DOCK10: variants seen among roughly 807,000 people sequenced by gnomAD.
DOCK10 encodes dedicator of cytokinesis protein 10.
A neutral mutation model predicts 280.1 loss-of-function variants in DOCK10; 145 were observed. The ratio of observed to expected loss-of-function variants is 0.52; its 90% CI spans 0.45 to 0.59. The LOEUF (loss-of-function observed/expected upper bound fraction) is 0.59, where lower values mean the gene tolerates loss of function less well. Among genes scored for constraint, DOCK10 ranks in the 20% least tolerant of loss-of-function variants. DOCK10 has a pLI of 0.00. For synonymous variants in DOCK10, 915 were observed against 942.2 expected (o/e 0.97, Z 0.53); for missense variants, 2,368 against 2,651.7 (o/e 0.89, Z 2.35).
In DOCK10 at chr2:224,922,734, C is replaced by T. The variant is rs140150353; in HGVS notation, c.244-5950G>A. Among the ~76,000 whole-genome samples the T allele has an allele frequency of 6.6e-5, 10 of 152,234 alleles. No individual in the cohort carries two copies. In the East Asian group the frequency reaches 1.9e-3, roughly 29 times the overall value. Reference sequence around the variant, plus strand: ...CACATCAGGACTATCTCTCAATTGGCCAAAGGTCACTGTAAAAGTCTAAAA... The same window carrying T: ...CACATCAGGACTATCTCTCAATTGGTCAAAGGTCACTGTAAAAGTCTAAAA... On this transcript the variant is annotated intron_variant, in intron 2 of 55. Transcript: ENST00000258390.
chr2:224,887,119 C>T (rs1333521730), intron 4 of DOCK10, among the ~76,000 whole-genome samples: 5 of 152,088 alleles, frequency 3.3e-5, no homozygotes. Flanking sequence ...GCAAGCAGGA[C>T]AATTTGAAAG....
chr2:225,030,988 A>G (rs1690059436), intron 1 of DOCK10, among the ~76,000 whole-genome samples: 1 of 152,110 alleles, frequency 6.6e-6, no homozygotes, highest in African/African-American at 2.4e-5. Context: ...TGTCATCTCT[A>G]AGTATGACAT....
intron 3 of DOCK10, among the ~76,000 whole-genome samples, chr2:224,907,377 G>T (rs984209599): frequency 3.3e-5 from 5 of 151,964 alleles, no homozygotes; most frequent in Admixed American, 1.3e-4. Flanking sequence ...AGACATTTTC[G>T]ATGCTAACAG....
intron 2 of DOCK10, among the ~76,000 whole-genome samples, chr2:224,917,915 C>T (rs41440446): frequency 0.23 from 35,133 of 151,942 alleles, 4,548 homozygotes; most frequent in Non-Finnish European, 0.28. Flanking sequence ...TCCATGGTAC[C>T]AACAGCTGAG....
At chr2:224,859,784 G>T (rs181374967) in intron 14 of DOCK10, among the ~76,000 whole-genome samples, 2 of 152,182 alleles carry the variant, frequency 1.3e-5, no homozygotes, top group Non-Finnish European at 2.9e-5. Flanking sequence ...CAGAATCAGG[G>T]TATCAATTAG....
chr2:224,831,698 T>G (rs183473729), intron 26 of DOCK10, among the ~76,000 whole-genome samples: 1 of 152,230 alleles, frequency 6.6e-6, no homozygotes, highest in African/African-American at 2.4e-5. Flanking sequence ...TGAGCTCTTT[T>G]GGAAACTGTC....
At chr2:224,863,644 G>C (rs1697678548) in intron 13 of DOCK10, among the ~76,000 whole-genome samples, 1 of 152,050 alleles carries the variant, frequency 6.6e-6, no homozygotes, top group African/African-American at 2.4e-5. Context: ...AGTAGAGACG[G>C]GGTTTCACCA....
rs1252794688 is a variant in DOCK10 at position 224,780,468 on chromosome 2, T to C, written c.5656-2184A>G. On this transcript the variant is annotated intron_variant, in intron 50 of 55. Coordinates refer to ENST00000258390, the MANE Select transcript of DOCK10 (RefSeq NM_014689.3). ...TCAATTTCAAGTAGAAAAATGTCTC[T>C]AAGGTTCAGGAAAAGATTTTTTCTT... Among the ~76,000 whole-genome samples the C allele has an allele frequency of 2.6e-5, 4 of 152,228 alleles. No individual in the cohort carries two copies. In the East Asian group the frequency reaches 7.7e-4, roughly 29 times the overall value.
In DOCK10 at chr2:225,029,165, T is replaced by G. The variant is rs766182426; in HGVS notation, c.123+13087A>C. Among the ~76,000 whole-genome samples, 638 of 152,214 alleles carry G rather than the reference T, an allele frequency of 4.2e-3. 5 individuals carry two copies. The highest frequency in any genetic ancestry group is 7.7e-3 in the Non-Finnish European group (524 of 68,010). ...TGTGACTCAGTTTCCTTCTATTTTA[T>G]TTTATTTATTTATTTATTTATTTTG... On this transcript the variant is annotated intron_variant, in intron 1 of 55. Coordinates refer to ENST00000258390, the MANE Select transcript of DOCK10 (RefSeq NM_014689.3).
chr2:225,024,663 G>A (rs929304433), intron 1 of DOCK10, among the ~76,000 whole-genome samples: 1 of 151,918 alleles, frequency 6.6e-6, no homozygotes, highest in African/African-American at 2.4e-5. Context: ...GCCGAGGTGG[G>A]CGGATGCCAG....
At chr2:224,978,231 G>A (rs1237143006) in intron 1 of DOCK10, among the ~76,000 whole-genome samples, 1 of 152,086 alleles carries the variant, frequency 6.6e-6, no homozygotes, top group Non-Finnish European at 1.5e-5. Flanking sequence ...TCAGGAGTTC[G>A]AGACCAGCCT....
Position 224,796,963 on chromosome 2 carries a change from C to G in DOCK10, c.4827+1G>C. The G allele has an allele frequency of 6.2e-7, 1 of 1,611,698 alleles. No homozygotes were observed. The highest frequency in any genetic ancestry group is 8.5e-7 in the Non-Finnish European group (1 of 1,178,866). On this transcript the variant is annotated splice_donor_variant, in intron 43 of 55. Coordinates refer to ENST00000258390, the MANE Select transcript of DOCK10 (RefSeq NM_014689.3). LOFTEE classifies it high-confidence loss of function. The stretch of plus-strand genomic sequence containing the variant: ...CATTAATGAAAATTGGCAGCACTTA[C>G]TTGTAAGTGGGACCGGACAATTGAC...
chr2:224,982,459 C>T, intron 1 of DOCK10: 2 of 1,228,688 alleles, frequency 1.6e-6, no homozygotes, highest in East Asian at 3.2e-5. Context: ...GCCTACACTG[C>T]AGCTGCAGCC....
intron 18 of DOCK10, among the ~76,000 whole-genome samples, chr2:224,851,458 T>TTTA (rs1553596299): frequency 7.2e-6 from 1 of 139,484 alleles, no homozygotes; most frequent in African/African-American, 2.7e-5. Flanking sequence ...TTTTTTTTTT[T>TTTA]AAAAAAAAAA....
chr2:224,918,485 C>T (rs934810573), intron 2 of DOCK10, among the ~76,000 whole-genome samples: 4 of 142,008 alleles, frequency 2.8e-5, no homozygotes, highest in South Asian at 4.6e-4. Context: ...GTTTGTGGTG[C>T]GGTGTGTGTG....
rs199922465 is a variant in DOCK10, at chr2:224,997,663, GGAGGA to G, written c.123+44584_123+44588del. The stretch of plus-strand genomic sequence containing the variant: ...CAAATGTACCTGCTGATGGAGGGCG[GGAGGA>G]GAGGAGTTAGACAGCAGCCCATGTA... On this transcript the variant is annotated intron_variant, in intron 1 of 55. Coordinates refer to ENST00000258390, the MANE Select transcript of DOCK10 (RefSeq NM_014689.3). Among the ~76,000 whole-genome samples, 1,482 of 152,258 alleles carry G rather than the reference GGAGGA, an allele frequency of 9.7e-3. 14 individuals carry two copies. Among genetic ancestry groups the G allele is most frequent in the Middle Eastern group, 0.014 (4 of 294 alleles).
Position 224,778,221 on chromosome 2 carries a change from A to AC in DOCK10, c.5718dup (p.Ser1907ValfsTer14). On this transcript the variant is annotated frameshift_variant, in exon 51 of 56. Transcript: ENST00000258390. LOFTEE classifies it high-confidence loss of function. ...TTGAGTAATCTTTGGGAAATCTCGGACAGACCTGTCAGCTTAGGCTCTTTA... is the reference window on the plus strand; with the variant it reads ...TTGAGTAATCTTTGGGAAATCTCGGACCAGACCTGTCAGCTTAGGCTCTTTA... 6.2e-7 allele frequency: 1 copy of AC among 1,612,168 alleles called. No individual in the cohort carries two copies. Among genetic ancestry groups the AC allele is most frequent in the Non-Finnish European group, 8.5e-7 (1 of 1,178,776 alleles).
At chr2:225,003,292 C>T (rs930716451) in intron 1 of DOCK10, among the ~76,000 whole-genome samples, 1 of 152,132 alleles carries the variant, frequency 6.6e-6, no homozygotes, top group African/African-American at 2.4e-5. Context: ...TATGCATCTG[C>T]CTCGGCTTCT....
chr2:224,846,326 A>G (rs1696349111), intron 19 of DOCK10, among the ~76,000 whole-genome samples: 1 of 152,156 alleles, frequency 6.6e-6, no homozygotes, highest in Non-Finnish European at 1.5e-5. Flanking sequence ...AATTGAATAA[A>G]CAGTAAGTCC....
Sources: gnomAD v4.1 joint callset for allele counts (sites outside exome capture counted in the v4.1 genomes callset) on GRCh38, gnomAD v4.1.1 for gene constraint, MANE v1.5 for transcripts, NCBI Gene and HGNC (gene_info 2026-07-23, HGNC 2026-07-21) for gene names.